Variants in ZNF385D observed in about 807,000 individuals in gnomAD.
ZNF385D encodes zinc finger protein 385D, also known as zinc finger protein 659.
Under a neutral mutation model 35.8 loss-of-function variants are expected in ZNF385D, and 15 were observed. The ratio of observed to expected loss-of-function variants is 0.42; its 90% CI spans 0.28 to 0.64. The LOEUF (loss-of-function observed/expected upper bound fraction) is 0.64. Ranked by LOEUF, ZNF385D falls within the 30% of genes least tolerant of loss-of-function variation. ZNF385D has a pLI of 0.23. For synonymous variants in ZNF385D, 212 were observed against 186.8 expected, an observed-to-expected ratio of 1.13 and a Z score of -1.10; for missense variants, 474 against 494.6, an observed-to-expected ratio of 0.96 and a Z score of 0.39.
At chr3:21,739,113 C>A (rs984213986) in intron 1 of ZNF385D, among the ~76,000 whole-genome samples, 1 of 152,216 alleles carries the variant, frequency 6.6e-6, no homozygotes, top group Non-Finnish European at 1.5e-5. Context: ...TGGGTAGTGA[C>A]TGGCAAAGCC....
chr3:21,445,046 AC>A (rs1702076405), intron 4 of ZNF385D, among the ~76,000 whole-genome samples: 1 of 152,186 alleles, frequency 6.6e-6, no homozygotes. Flanking sequence ...GAGTCTTGAC[AC>A]GAATTGTCCA....
At chr3:22,147,691 C>T (rs940796877) in intron 3 of ZNF385D, among the ~76,000 whole-genome samples, 1 of 152,112 alleles carries the variant, frequency 6.6e-6, no homozygotes, top group Non-Finnish European at 1.5e-5. Context: ...GATACTGAGG[C>T]CCAAGGGCAT....
At chr3:22,103,001 T>G (rs962682968) in intron 3 of ZNF385D, among the ~76,000 whole-genome samples, 1 of 150,362 alleles carries the variant, frequency 6.7e-6, no homozygotes, top group Non-Finnish European at 1.5e-5. Flanking sequence ...ATATACTGTA[T>G]ATATATAAGT....
chr3:21,526,866 T>C (rs1346339181), intron 3 of ZNF385D, among the ~76,000 whole-genome samples: 2 of 152,232 alleles, frequency 1.3e-5, no homozygotes, highest in African/African-American at 2.4e-5. Context: ...CGATCGTTCT[T>C]AACTGAGCAC....
chr3:21,916,974 A>T (rs1351056628), intron 3 of ZNF385D, among the ~76,000 whole-genome samples: 1 of 152,178 alleles, frequency 6.6e-6, no homozygotes, highest in Non-Finnish European at 1.5e-5. Flanking sequence ...GCTGGTTGTT[A>T]TCATGTTCTC....
At chr3:22,077,104 T>C (rs1700502473) in intron 3 of ZNF385D, among the ~76,000 whole-genome samples, 2 of 151,946 alleles carry the variant, frequency 1.3e-5, no homozygotes, top group East Asian at 1.9e-4. Context: ...ATTAAAAATA[T>C]ATATAATAAA....
intron 3 of ZNF385D, among the ~76,000 whole-genome samples, chr3:22,167,979 T>C (rs2125755798): frequency 6.6e-6 from 1 of 152,320 alleles, no homozygotes; most frequent in South Asian, 2.1e-4. Context: ...TTTCTTCTCA[T>C]CATTTGGCCA....
At chr3:21,764,913 C>T (rs951795780) in intron 3 of ZNF385D, among the ~76,000 whole-genome samples, 2 of 152,110 alleles carry the variant, frequency 1.3e-5, no homozygotes, top group Non-Finnish European at 1.5e-5. Context: ...CTCCTGCCTA[C>T]AACTTTCCTG....
chr3:21,425,372 A>T, intron 6 of ZNF385D, 120 bp downstream of exon 6: 1 of 1,011,324 alleles, frequency 9.9e-7, no homozygotes, highest in Non-Finnish European at 1.4e-6. Flanking sequence ...AGATGGAGGG[A>T]TGGATGAATA....
intron 2 of ZNF385D, among the ~76,000 whole-genome samples, chr3:21,568,006 A>G (rs1013985306): frequency 6.6e-6 from 1 of 152,160 alleles, no homozygotes; most frequent in Non-Finnish European, 1.5e-5. Flanking sequence ...TCAGATTTCA[A>G]AATGCAAAGT....
chr3:21,791,820 C>T (rs987668651), intron 3 of ZNF385D, among the ~76,000 whole-genome samples: 3 of 152,214 alleles, frequency 2.0e-5, no homozygotes, highest in Non-Finnish European at 4.4e-5. Context: ...CTGCAACCTC[C>T]GACTCCCTGG....
chr3:21,980,708 C>A (rs1694384435), intron 3 of ZNF385D, among the ~76,000 whole-genome samples: 1 of 152,126 alleles, frequency 6.6e-6, no homozygotes, highest in East Asian at 1.9e-4. Context: ...CTGTTCCTAT[C>A]CCTCCTCTTT....
At chr3:21,589,454 G>A (rs778336934) in intron 2 of ZNF385D, among the ~76,000 whole-genome samples, 25 of 152,038 alleles carry the variant, frequency 1.6e-4, no homozygotes, top group Non-Finnish European at 3.2e-4. Context: ...ACTTAAATGC[G>A]AAAAGCAAAA....
chr3:21,791,981 C>T (rs904521807), intron 3 of ZNF385D, among the ~76,000 whole-genome samples: 1 of 152,170 alleles, frequency 6.6e-6, no homozygotes, highest in African/African-American at 2.4e-5. Flanking sequence ...GATCCACCTA[C>T]CTCAGCCTCC....
rs201477329 is a variant in ZNF385D, at chr3:22,019,871, TAA to T, written c.325+148944_325+148945del. Among the ~76,000 whole-genome samples, 844 of 152,068 alleles carry T rather than the reference TAA, an allele frequency of 5.6e-3. 8 individuals carry two copies. Among genetic ancestry groups the T allele is most frequent in the African/African-American group, 0.019 (773 of 41,546 alleles). ...AACCAAGCACAGGGTCCTCTATGTA[TAA>T]AGTCTCTAAGATTCAGTATACCTAG... On this transcript the variant is annotated intron_variant, in intron 3 of 5. Transcript: ENST00000494108.
At chr3:22,224,661 T>C (rs1185818176) in intron 2 of ZNF385D, among the ~76,000 whole-genome samples, 1 of 152,164 alleles carries the variant, frequency 6.6e-6, no homozygotes, top group African/African-American at 2.4e-5. Context: ...AGACAATCTT[T>C]TGTCAGCAGG....
intron 2 of ZNF385D, among the ~76,000 whole-genome samples, chr3:21,627,405 C>G (rs1339403099): frequency 6.6e-6 from 1 of 151,834 alleles, no homozygotes; most frequent in Non-Finnish European, 1.5e-5. Flanking sequence ...GGGTCCAGAA[C>G]CTTGTTAAGA....
rs780893384 is a variant in ZNF385D, at chr3:21,421,256, G to C, written c.1146C>G (p.Pro382=). The C allele has an allele frequency of 6.2e-7, 1 of 1,614,022 alleles. No individual in the cohort carries two copies. The highest frequency in any genetic ancestry group is 1.3e-5 in the African/African-American group (1 of 74,924). ...PPALLRPAPG[P]IRTAHTPVLF... ...GCACAGGAGTGTGGGCGGTCCGAAT[G>C]GGTCCAGGAGCTGGCCGCAGGAGTG... is the stretch of plus-strand genomic sequence containing the variant. Residue 382 remains proline (P), a synonymous_variant, in exon 8 of 8, where the codon CCC becomes CCG. Coordinates refer to ENST00000281523, the MANE Select transcript of ZNF385D (RefSeq NM_024697.3).
chr3:21,492,843 T>C (rs879508905), intron 4 of ZNF385D, among the ~76,000 whole-genome samples: 17 of 151,440 alleles, frequency 1.1e-4, no homozygotes, highest in Admixed American at 1.1e-3. Context: ...TGAGAAAAAC[T>C]ATCTGACCAT....
Sources: allele counts gnomAD v4.1 joint callset (sites outside exome capture counted in the v4.1 genomes callset), GRCh38; gene constraint gnomAD v4.1.1; transcripts MANE v1.5; gene names NCBI Gene and HGNC (gene_info 2026-07-23, HGNC 2026-07-21).